LYSMD2: variants seen among roughly 807,000 people sequenced by gnomAD.
LYSMD2 encodes LysM domain containing 2, also known as lysM and putative peptidoglycan-binding domain-containing protein 2.
A neutral mutation model predicts 17.7 loss-of-function variants in LYSMD2; 6 were observed. The ratio of observed to expected loss-of-function variants is 0.34; its 90% CI spans 0.19 to 0.67. The LOEUF (loss-of-function observed/expected upper bound fraction) is 0.67, where lower values mean the gene tolerates loss of function less well. Among genes scored for constraint, LYSMD2 ranks in the 30% least tolerant of loss-of-function variants. The probability of loss-of-function intolerance (pLI) is 0.69; values close to 1 mark genes in which losing one functional copy is unlikely to be tolerated. For synonymous variants in LYSMD2, 102 were observed against 129.8 expected, an observed-to-expected ratio of 0.79 and a Z score of 1.45; for missense variants, 237 against 286.7, an observed-to-expected ratio of 0.83 and a Z score of 1.25.
chr15:51,732,807 C>T (rs912737079), intron 1 of LYSMD2, among the ~76,000 whole-genome samples: 2 of 152,250 alleles, frequency 1.3e-5, no homozygotes, highest in Non-Finnish European at 2.9e-5. Context: ...CCACCTCCTT[C>T]CTTCTCTACT....
At chr15:51,736,712 G>GAC (rs1359515588) in intron 1 of LYSMD2, among the ~76,000 whole-genome samples, 1 of 151,508 alleles carries the variant, frequency 6.6e-6, no homozygotes, top group Non-Finnish European at 1.5e-5. Flanking sequence ...ATACACCCAA[G>GAC]ACACACACAC....
intron 1 of LYSMD2, among the ~76,000 whole-genome samples, chr15:51,732,326 G>A (rs1027998108): frequency 3.9e-5 from 6 of 152,118 alleles, no homozygotes; most frequent in African/African-American, 1.4e-4. Flanking sequence ...CTCACAACAT[G>A]CCAGGCTCCA....
intron 1 of LYSMD2, among the ~76,000 whole-genome samples, chr15:51,733,619 C>G (rs1437396463): frequency 6.6e-6 from 1 of 152,082 alleles, no homozygotes; most frequent in African/African-American, 2.4e-5. Flanking sequence ...CAGCCAGAAT[C>G]AGCTCCATCA....
chr15:51,734,806 C>A (rs1260458097), intron 1 of LYSMD2, among the ~76,000 whole-genome samples: 2 of 152,194 alleles, frequency 1.3e-5, no homozygotes, highest in Non-Finnish European at 2.9e-5. Context: ...TCTTTCTGTT[C>A]AGTCAGAAGA....
intron 1 of LYSMD2, among the ~76,000 whole-genome samples, chr15:51,735,573 T>C (rs910727676): frequency 6.6e-6 from 1 of 152,222 alleles, no homozygotes; most frequent in Non-Finnish European, 1.5e-5. Context: ...AGTTCCTGAT[T>C]CATTATCCTT....
intron 1 of LYSMD2, among the ~76,000 whole-genome samples, chr15:51,744,564 C>A (rs545891156): frequency 2.4e-4 from 37 of 152,010 alleles, no homozygotes; most frequent in African/African-American, 8.9e-4. Context: ...TTGTTGAGGA[C>A]TTTTACATGT....
In LYSMD2 at chr15:51,750,153, C is replaced by T. The variant is rs532489509; in HGVS notation, c.-1+1118G>A. On this transcript the variant is annotated intron_variant, in intron 1 of 2. Transcript: ENST00000454181. ...GGAGAGAAGACAGGCTTACTGAACA[C>T]CCCTATGACCTTGAATAAGTCACAT... 2.0e-5 allele frequency among the ~76,000 whole-genome samples: 3 copies of T among 152,204 alleles called. No individual in the cohort carries two copies. In the South Asian group the frequency reaches 6.2e-4, roughly 31 times the overall value.
At chr15:51,743,581 CA>C (rs776445431) in intron 1 of LYSMD2, among the ~76,000 whole-genome samples, 1 of 152,140 alleles carries the variant, frequency 6.6e-6, no homozygotes, top group Non-Finnish European at 1.5e-5. Context: ...TGTTCTTCTT[CA>C]GTATTGCATT....
In LYSMD2 at chr15:51,737,636, G is replaced by C; in HGVS notation, c.-14C>G. ...GGAATCCGCCATGGGTCCTGCCGAG[G>C]CCGCCGGGTCGGGGAGCTTGCCAAG... On this transcript the variant is annotated 5_prime_UTR_variant, in exon 1 of 3. Transcript: ENST00000267838. This position sits in a 1 kb window ranked among gnomAD's most constrained non-coding sequence, Gnocchi z 4.2. The C allele has an allele frequency of 5.0e-6, 6 of 1,205,310 alleles. No individual in the cohort carries two copies. Among genetic ancestry groups the C allele is most frequent in the Non-Finnish European group, 5.1e-6 (5 of 971,100 alleles). 74.7% of individuals were successfully genotyped at this position (1,205,310 alleles called of 1,614,324 possible). A position where few individuals can be genotyped will look rare whatever the true frequency, so the allele number is the denominator to read the frequency against.
chr15:51,734,481 C>T (rs1567228900), intron 1 of LYSMD2, among the ~76,000 whole-genome samples: 1 of 152,186 alleles, frequency 6.6e-6, no homozygotes. Context: ...GTTCTGGGAA[C>T]TTCCTTGTAC....
rs1364294005 is a variant in LYSMD2 at position 51,737,577 on chromosome 15, G to C, written c.46C>G (p.Arg16Gly). 2.5e-6 allele frequency: 3 copies of C among 1,218,418 alleles called. No homozygotes were observed. Among genetic ancestry groups the C allele is most frequent in the Non-Finnish European group, 3.1e-6 (3 of 981,340 alleles). 75.5% of individuals were successfully genotyped at this position (1,218,418 alleles called of 1,614,324 possible). The change falls in exon 1 of 3, where the codon CGC becomes GGC. Residue 16 changes from arginine to glycine, a missense_variant. Coordinates refer to ENST00000267838, the MANE Select transcript of LYSMD2 (RefSeq NM_153374.3). This position sits in a 1 kb window ranked among gnomAD's most constrained non-coding sequence, Gnocchi z 4.2. ...PALSLREGGPRAPRPSAPSPP... is the reference protein window; with the variant it reads ...PALSLREGGPGAPRPSAPSPP... ...GAGGGGGCCGAGGGCCGCGGCGCGC[G>C]GGGGCCGCCTTCCCGCAGGGACAGT... is the stretch of plus-strand genomic sequence containing the variant.
chr15:51,742,138 G>A (rs2055646117), upstream of LYSMD2, among the ~76,000 whole-genome samples: 1 of 151,604 alleles, frequency 6.6e-6, no homozygotes, highest in African/African-American at 2.4e-5. Flanking sequence ...GGGTTCAATC[G>A]ATTTTCATGC....
At chr15:51,727,977 C>T (rs2055550828) in intron 1 of LYSMD2, among the ~76,000 whole-genome samples, 1 of 152,192 alleles carries the variant, frequency 6.6e-6, no homozygotes. Flanking sequence ...CAGCATAGTA[C>T]TCAGAAGCAT....
In LYSMD2 at chr15:51,724,831, C is replaced by T. The variant is rs1027173118; in HGVS notation, c.564G>A (p.Lys188=). 2 of 1,613,884 alleles carry T rather than the reference C, an allele frequency of 1.2e-6. No individual in the cohort carries two copies. The highest frequency in any genetic ancestry group is 1.3e-5 in the African/African-American group (1 of 74,908). ...DFLQRLDLQI[K]LSTQAAKKLK... ...GCTTCTTGGCTGCCTGTGTTGATAACTTAATCTGCAAGTCAAGTCTCTGCA... is the reference window on the plus strand; with the variant it reads ...GCTTCTTGGCTGCCTGTGTTGATAATTTAATCTGCAAGTCAAGTCTCTGCA... The change falls in exon 2 of 3, where the codon AAG becomes AAA. Residue 188 remains lysine, a synonymous_variant. Coordinates refer to ENST00000267838, the MANE Select transcript of LYSMD2 (RefSeq NM_153374.3).
chr15:51,732,293 G>A (rs1327942098), intron 1 of LYSMD2, among the ~76,000 whole-genome samples: 1 of 152,190 alleles, frequency 6.6e-6, no homozygotes, highest in African/African-American at 2.4e-5. Context: ...TCCTGTGGCT[G>A]AAGTCCACAT....
intron 1 of LYSMD2, among the ~76,000 whole-genome samples, chr15:51,733,702 T>C (rs994434255): frequency 6.6e-6 from 1 of 152,060 alleles, no homozygotes; most frequent in Non-Finnish European, 1.5e-5. Flanking sequence ...TTTCAAGAGA[T>C]GACAGTAGAG....
chr15:51,729,603 T>C (rs1358765940), intron 1 of LYSMD2, among the ~76,000 whole-genome samples: 1 of 152,134 alleles, frequency 6.6e-6, no homozygotes, highest in Non-Finnish European at 1.5e-5. Flanking sequence ...GGATTACAGG[T>C]GCATGCCACC....
At chr15:51,724,447 C>T (rs1391085080) in intron 2 of LYSMD2, among the ~76,000 whole-genome samples, 3 of 152,162 alleles carry the variant, frequency 2.0e-5, no homozygotes, top group Admixed American at 6.5e-5. Context: ...TGGACAGTGA[C>T]GCTATTAAAG....
chr15:51,749,949 C>T (rs1243219243), intron 1 of LYSMD2, among the ~76,000 whole-genome samples: 1 of 152,208 alleles, frequency 6.6e-6, no homozygotes, highest in African/African-American at 2.4e-5. Flanking sequence ...CACAATTGAT[C>T]ATAGAAACAA....
Sources: allele counts gnomAD v4.1 joint callset (sites outside exome capture counted in the v4.1 genomes callset), GRCh38; gene constraint gnomAD v4.1.1; non-coding constraint Gnocchi (gnomAD v3.1); transcripts MANE v1.5; gene names NCBI Gene and HGNC (gene_info 2026-07-23, HGNC 2026-07-21).